The following CHD9 variants were observed in gnomAD, a reference collection of about 807,000 sequenced individuals.
CHD9 encodes the protein chromodomain helicase DNA binding protein 9.
In CHD9, 77 loss-of-function variants were observed where a neutral mutation model predicts 316.1. The observed-to-expected ratio is 0.24, with a 90% CI of 0.20 to 0.29. The LOEUF is 0.29. CHD9 is among the 10% of genes least tolerant of loss of function. The pLI is 1.00. For missense variants in CHD9, 2,763 were observed against 3,438.1 expected (o/e 0.80, Z 4.91); for synonymous variants, 1,129 against 1,158.3 (o/e 0.97, Z 0.51).
chr16:53,263,363 T>G (rs1200117689), intron 20 of CHD9, among the ~76,000 whole-genome samples: 8 of 152,248 alleles, frequency 5.3e-5, no homozygotes, highest in African/African-American at 1.9e-4. Flanking sequence ...TTTAAATTTT[T>G]TAATGTCTTC....
At chr16:53,272,259 C>G (rs2052347432) in intron 22 of CHD9, among the ~76,000 whole-genome samples, 1 of 151,254 alleles carries the variant, frequency 6.6e-6, no homozygotes, top group South Asian at 2.1e-4. Context: ...AAAAGGGACA[C>G]TACCTAATAA....
chr16:53,323,262 A>G (rs550463680), intron 38 of CHD9, among the ~76,000 whole-genome samples: 36 of 152,234 alleles, frequency 2.4e-4, no homozygotes, highest in Non-Finnish European at 4.8e-4. Flanking sequence ...GACTATTACT[A>G]AAATTAATGT....
chr16:53,065,638 T>TA lies in CHD9; in HGVS notation c.-165+10581dup, dbSNP rs68025976. On this transcript the variant is annotated intron_variant, in intron 1 of 38. Transcript: ENST00000447540. ...AACAAAGCCAGATTCTGTCTTAAAT[T>TA]AAAAAAAAAAAAAAAAAAAAGGAAG... Among the ~76,000 whole-genome samples, 315 of 103,406 alleles carry TA rather than the reference T, an allele frequency of 3.0e-3. 2 individuals carry two copies. Among genetic ancestry groups the TA allele is most frequent in the African/African-American group, 7.5e-3 (193 of 25,572 alleles). The allele number at this position is 103,406 out of a possible 152,430, so 67.8% of individuals were successfully genotyped here.
At chr16:53,088,835 C>G (rs547258059) in intron 1 of CHD9, among the ~76,000 whole-genome samples, 1 of 151,396 alleles carries the variant, frequency 6.6e-6, no homozygotes, top group Non-Finnish European at 1.5e-5. Flanking sequence ...TTAGCTCAGC[C>G]GGGCGTGGTG....
chr16:53,175,057 A>G (rs187048586), intron 2 of CHD9, among the ~76,000 whole-genome samples: 182 of 152,228 alleles, frequency 1.2e-3, no homozygotes, highest in African/African-American at 4.1e-3. Flanking sequence ...TACTGACACA[A>G]TCGCCTTGTG....
intron 7 of CHD9, among the ~76,000 whole-genome samples, chr16:53,228,451 G>A (rs2047848898): frequency 6.6e-6 from 1 of 151,246 alleles, no homozygotes; most frequent in Non-Finnish European, 1.5e-5. Flanking sequence ...TAAAGGTCAG[G>A]TAACTCATGA....
chr16:53,225,209 G>C (rs1431458691), intron 4 of CHD9, among the ~76,000 whole-genome samples: 1 of 152,096 alleles, frequency 6.6e-6, no homozygotes, highest in Non-Finnish European at 1.5e-5. Flanking sequence ...ATAGAAGACA[G>C]GCAGAAACCA....
chr16:53,236,783 T>C (rs1012084332), intron 11 of CHD9, among the ~76,000 whole-genome samples: 2 of 152,044 alleles, frequency 1.3e-5, no homozygotes, highest in Non-Finnish European at 2.9e-5. Context: ...CACTCTGAAC[T>C]CCAACAGTTT....
chr16:53,205,614 A>G (rs2152860511), intron 2 of CHD9, among the ~76,000 whole-genome samples: 1 of 152,364 alleles, frequency 6.6e-6, no homozygotes. Context: ...GCTGTATTCT[A>G]GTAGCAGAGG....
At chr16:53,263,772 GTAT>G (rs1256301389) in intron 20 of CHD9, among the ~76,000 whole-genome samples, 1 of 152,042 alleles carries the variant, frequency 6.6e-6, no homozygotes, top group Admixed American at 6.6e-5. Context: ...CCATCCATAA[GTAT>G]TATTGTTGAA....
chr16:53,098,915 A>C (rs939464263), intron 1 of CHD9, among the ~76,000 whole-genome samples: 1 of 152,196 alleles, frequency 6.6e-6, no homozygotes, highest in Admixed American at 6.5e-5. Flanking sequence ...GAGCCAGGCC[A>C]AAGGAGTAAT....
intron 16 of CHD9, chr16:53,247,830 A>T (rs1376376650): frequency 5.4e-6 from 1 of 184,370 alleles, no homozygotes; most frequent in African/African-American, 2.4e-5. Flanking sequence ...TATTTACAAC[A>T]GTCATCTTCA....
intron 2 of CHD9, among the ~76,000 whole-genome samples, chr16:53,201,514 T>C (rs2045452787): frequency 6.6e-6 from 1 of 152,216 alleles, no homozygotes; most frequent in African/African-American, 2.4e-5. Flanking sequence ...CCGTTGATAA[T>C]CTAGTCTGTT....
At chr16:53,264,980 T>C (rs936441143) in intron 20 of CHD9, among the ~76,000 whole-genome samples, 10 of 152,218 alleles carry the variant, frequency 6.6e-5, no homozygotes, top group African/African-American at 2.4e-4. Flanking sequence ...AATAAACTTA[T>C]ATAAGCATAT....
chr16:53,186,716 G>A (rs950717619), intron 2 of CHD9, among the ~76,000 whole-genome samples: 1 of 152,156 alleles, frequency 6.6e-6, no homozygotes, highest in African/African-American at 2.4e-5. Context: ...AATCATGGGG[G>A]TGGTTTTCCC....
intron 12 of CHD9, among the ~76,000 whole-genome samples, chr16:53,240,342 A>C (rs1038998747): frequency 6.6e-6 from 1 of 152,204 alleles, no homozygotes; most frequent in African/African-American, 2.4e-5. Context: ...GATTTTTAAC[A>C]AAGTTACAAT....
chr16:53,182,463 A>G (rs2043608960), intron 2 of CHD9, among the ~76,000 whole-genome samples: 1 of 152,128 alleles, frequency 6.6e-6, no homozygotes, highest in Non-Finnish European at 1.5e-5. Flanking sequence ...AGTCCAATTT[A>G]TTTTACCTTC....
chr16:53,180,539 A>G (rs62048030), intron 2 of CHD9, among the ~76,000 whole-genome samples: 47,272 of 152,106 alleles, frequency 0.31, 7,514 homozygotes, highest in Middle Eastern at 0.39. Context: ...CTTTTTAAGA[A>G]GAGACTTATT....
At position 53,249,938 on chromosome 16, in the gene CHD9, A is replaced by T. The variant is rs773922714; in HGVS notation, c.3733A>T (p.Ser1245Cys). 6.2e-7 allele frequency: 1 copy of T among 1,613,898 alleles called. No individual in the cohort carries two copies. The highest frequency in any genetic ancestry group is 1.1e-5 in the South Asian group (1 of 91,090). ...TCGGCAAGCTGCTATAGATAGATTT[A>T]GTAAACCTGATTCAGATAGATTTGT... ...NLRQAAIDRF[S>C]KPDSDRFVFL... is the part of the protein sequence containing the mutation. Residue 1245 changes from serine (S) to cysteine (C), a missense_variant, in exon 17 of 39, where the codon AGT becomes TGT. Transcript: ENST00000447540.
Sources: allele counts gnomAD v4.1 joint callset (sites outside exome capture counted in the v4.1 genomes callset), GRCh38; gene constraint gnomAD v4.1.1; transcripts MANE v1.5; gene names NCBI Gene and HGNC (gene_info 2026-07-23, HGNC 2026-07-21).